Variants in FBXL17 observed in about 807,000 individuals in gnomAD.
The protein encoded by FBXL17 is F-box and leucine rich repeat protein 17.
In FBXL17, 22 loss-of-function variants were observed where a neutral mutation model predicts 66.2. That is an observed-to-expected ratio of 0.33 (90% CI 0.24 to 0.47). The LOEUF (loss-of-function observed/expected upper bound fraction) is 0.47. Ranked by LOEUF, FBXL17 falls within the 20% of genes least tolerant of loss-of-function variation. The pLI is 1.00. For missense variants in FBXL17, 878 were observed against 948.2 expected, an observed-to-expected ratio of 0.93 and a Z score of 0.97; for synonymous variants, 474 against 400.5, an observed-to-expected ratio of 1.18 and a Z score of -2.19.
intron 3 of FBXL17, among the ~76,000 whole-genome samples, chr5:108,361,457 T>C (rs930758102): frequency 2.6e-5 from 4 of 152,136 alleles, no homozygotes; most frequent in African/African-American, 9.7e-5. Flanking sequence ...CTGCTTGTAC[T>C]GGACCTAGCA....
intron 8 of FBXL17, among the ~76,000 whole-genome samples, chr5:107,864,040 C>G (rs542222085): frequency 6.6e-6 from 1 of 152,308 alleles, no homozygotes; most frequent in South Asian, 2.1e-4. Context: ...AAATAGAGAA[C>G]CAAGGCATGT....
intron 8 of FBXL17, among the ~76,000 whole-genome samples, chr5:107,869,184 A>G (rs745427497): frequency 3.3e-5 from 5 of 152,164 alleles, no homozygotes; most frequent in Non-Finnish European, 7.3e-5. Flanking sequence ...ATGACTGCTA[A>G]CAGCCCCAGA....
At chr5:108,047,278 CTG>C (rs1178565417) in intron 6 of FBXL17, among the ~76,000 whole-genome samples, 2 of 152,254 alleles carry the variant, frequency 1.3e-5, no homozygotes, top group African/African-American at 2.4e-5. Flanking sequence ...GCTAGGGAAA[CTG>C]TGCTTTCCGC....
At chr5:108,367,282 C>T (rs978140016) in intron 2 of FBXL17, among the ~76,000 whole-genome samples, 5 of 151,648 alleles carry the variant, frequency 3.3e-5, no homozygotes, top group African/African-American at 7.3e-5. Context: ...TATATAAACA[C>T]ATTAGGCAGC....
chr5:107,948,628 C>T (rs1380049698), intron 7 of FBXL17, among the ~76,000 whole-genome samples: 3 of 152,224 alleles, frequency 2.0e-5, no homozygotes, highest in African/African-American at 2.4e-5. Context: ...CCCCAGGGAA[C>T]CCTTCAATGT....
At position 107,879,183 on chromosome 5, in the gene FBXL17, T is replaced by C. The variant is rs1161286506; in HGVS notation, c.1965+1854A>G. The C allele has an allele frequency of 3.0e-6, 3 of 985,336 alleles. No individual in the cohort carries two copies. The African/African-American group carries it at 5.2e-5, about 17-fold the overall frequency. The allele number at this position is 985,336 out of a possible 1,614,324, so 61.0% of individuals were successfully genotyped here. On this transcript the variant is annotated intron_variant, in intron 8 of 8. Transcript: ENST00000542267. ...GAAGATGGAGCTGATCTTAACCATCTAAAGATTACAGGTTAGAAATATGAC... is the reference window on the plus strand; with the variant it reads ...GAAGATGGAGCTGATCTTAACCATCCAAAGATTACAGGTTAGAAATATGAC...
intron 7 of FBXL17, among the ~76,000 whole-genome samples, chr5:108,001,045 C>T (rs946079238): frequency 6.6e-6 from 1 of 152,128 alleles, no homozygotes; most frequent in Non-Finnish European, 1.5e-5. Flanking sequence ...TTAAAATGAT[C>T]TGCAAATATA....
In FBXL17 at chr5:108,382,059, T is replaced by G; in HGVS notation, c.-368A>C. The G allele has an allele frequency of 2.6e-6, 2 of 780,204 alleles. No individual in the cohort carries two copies. The highest frequency in any genetic ancestry group is 3.2e-6 in the Non-Finnish European group (2 of 629,638). 48.3% of individuals were successfully genotyped at this position (780,204 alleles called of 1,614,324 possible). On this transcript the variant is annotated 5_prime_UTR_variant, in exon 1 of 9. Coordinates refer to ENST00000542267, the MANE Select transcript of FBXL17 (RefSeq NM_001163315.3). Reference sequence around the variant, plus strand: ...AGGCCGGGTCCCGCTCGGACCATTTTAACTGCGGATCCGCCGCCGGCGCGC... The same window carrying G: ...AGGCCGGGTCCCGCTCGGACCATTTGAACTGCGGATCCGCCGCCGGCGCGC...
chr5:107,904,853 A>G (rs1328148078), intron 7 of FBXL17, among the ~76,000 whole-genome samples: 6 of 152,162 alleles, frequency 3.9e-5, no homozygotes, highest in Non-Finnish European at 8.8e-5. Context: ...TTTTAACTCC[A>G]GGAGTGACAT....
At chr5:108,110,014 C>A (rs762345862) in intron 6 of FBXL17, among the ~76,000 whole-genome samples, 1 of 151,872 alleles carries the variant, frequency 6.6e-6, no homozygotes, top group African/African-American at 2.4e-5. Flanking sequence ...AGTCACATAC[C>A]TTCATTCTCT....
At chr5:107,897,906 T>C (rs375245167) in intron 7 of FBXL17, among the ~76,000 whole-genome samples, 1 of 135,228 alleles carries the variant, frequency 7.4e-6, no homozygotes, top group South Asian at 2.3e-4. Flanking sequence ...GTGGATATGA[T>C]AAAAAAGAAA....
intron 6 of FBXL17, among the ~76,000 whole-genome samples, chr5:108,159,422 T>C (rs1752122128): frequency 6.6e-6 from 1 of 152,050 alleles, no homozygotes; most frequent in South Asian, 2.1e-4. Flanking sequence ...ACCACCAAGG[T>C]GATGGTATTG....
At chr5:108,177,909 ATGT>A (rs767169294) in intron 6 of FBXL17, among the ~76,000 whole-genome samples, 6 of 51,544 alleles carry the variant, frequency 1.2e-4, no homozygotes, top group East Asian at 1.2e-3. Context: ...AGAAAAAAAA[ATGT>A]ATATATATAT....
chr5:108,177,012 T>A (rs564922962), intron 6 of FBXL17, among the ~76,000 whole-genome samples: 2 of 152,298 alleles, frequency 1.3e-5, no homozygotes, highest in East Asian at 3.9e-4. Flanking sequence ...GATAACTTTC[T>A]TCTTTTTAAT....
chr5:108,120,036 T>G (rs1580468218), intron 6 of FBXL17, among the ~76,000 whole-genome samples: 1 of 152,226 alleles, frequency 6.6e-6, no homozygotes, highest in Non-Finnish European at 1.5e-5. Flanking sequence ...GGTCTACAAT[T>G]AACTTTTGCC....
chr5:108,162,951 T>C (rs917279530), intron 6 of FBXL17, among the ~76,000 whole-genome samples: 5 of 152,194 alleles, frequency 3.3e-5, no homozygotes, highest in Admixed American at 3.3e-4. Flanking sequence ...GATTCAACTA[T>C]GTATCACCAG....
intron 7 of FBXL17, among the ~76,000 whole-genome samples, chr5:107,964,250 G>A (rs1290462478): frequency 6.6e-6 from 1 of 152,094 alleles, no homozygotes; most frequent in Non-Finnish European, 1.5e-5. Context: ...GTGCTTTCAT[G>A]TGGTGAGCTG....
chr5:107,876,170 G>A (rs1425478224), intron 8 of FBXL17, among the ~76,000 whole-genome samples: 1 of 152,094 alleles, frequency 6.6e-6, no homozygotes, highest in Non-Finnish European at 1.5e-5. Context: ...TGGCAGAGGC[G>A]TGGGGTTAGG....
chr5:108,047,798 G>C (rs1364600304), intron 6 of FBXL17, among the ~76,000 whole-genome samples: 1 of 152,112 alleles, frequency 6.6e-6, no homozygotes, highest in Non-Finnish European at 1.5e-5. Flanking sequence ...GATCTCCCTG[G>C]GCCTGAGCCC....
Sources: gnomAD v4.1 joint callset for allele counts (sites outside exome capture counted in the v4.1 genomes callset) on GRCh38, gnomAD v4.1.1 for gene constraint, MANE v1.5 for transcripts, NCBI Gene and HGNC (gene_info 2026-07-23, HGNC 2026-07-21) for gene names.